The following DTX1 variants were observed in gnomAD, a reference collection of about 807,000 sequenced individuals.
The protein encoded by DTX1 is E3 ubiquitin-protein ligase DTX1.
Under a neutral mutation model 57.8 loss-of-function variants are expected in DTX1, and 26 were observed. That is an observed-to-expected ratio of 0.45 (90% CI 0.33 to 0.62). The LOEUF (loss-of-function observed/expected upper bound fraction) is 0.62. DTX1 is among the 20% of genes least tolerant of loss of function. DTX1 has a pLI of 0.02. For synonymous variants in DTX1, 398 were observed against 394.1 expected, an observed-to-expected ratio of 1.01 and a Z score of -0.12; for missense variants, 704 against 895.3, an observed-to-expected ratio of 0.79 and a Z score of 2.73.
At chr12:113,058,715 A>G (rs958645117) in intron 2 of DTX1, among the ~76,000 whole-genome samples, 4 of 152,322 alleles carry the variant, frequency 2.6e-5, no homozygotes, top group African/African-American at 9.6e-5. Context: ...GGGTAGATCA[A>G]TATCTCTCAC....
chr12:113,089,395 C>T (rs1385123134), intron 3 of DTX1, among the ~76,000 whole-genome samples: 2 of 152,090 alleles, frequency 1.3e-5, no homozygotes, highest in East Asian at 1.9e-4. Context: ...GGCAGTGGGG[C>T]CCATGCCTGC....
At chr12:113,074,404 G>A (rs574335890) in intron 2 of DTX1, among the ~76,000 whole-genome samples, 2 of 152,290 alleles carry the variant, frequency 1.3e-5, no homozygotes, top group South Asian at 4.1e-4. Context: ...CAGGCAGAGG[G>A]AACAGCCAGT....
chr12:113,093,149 C>G lies in DTX1; in HGVS notation c.942-13C>G, dbSNP rs555572608. The G allele has an allele frequency of 1.7e-5, 27 of 1,587,674 alleles. No individual in the cohort carries two copies. The African/African-American group carries it at 2.4e-4, about 14-fold the overall frequency. On this transcript the variant is annotated splice_polypyrimidine_tract_variant and intron_variant, in intron 3 of 9. Transcript: ENST00000548759. The surrounding 1 kb of genome is among the most constrained non-coding windows in gnomAD (Gnocchi z 4.2). Reference sequence around the variant, plus strand: ...CTGGAGTCCAGCTGCGGCCTCTTCTCTTCTCCCCGCAGGGTCCCCGCACTC... The same window carrying G: ...CTGGAGTCCAGCTGCGGCCTCTTCTGTTCTCCCCGCAGGGTCCCCGCACTC...
chr12:113,087,085 C>A (rs1178137896), intron 3 of DTX1, among the ~76,000 whole-genome samples: 1 of 151,724 alleles, frequency 6.6e-6, no homozygotes, highest in African/African-American at 2.4e-5. Flanking sequence ...CCCGTTCCTT[C>A]CCCCGCAGAG....
intron 6 of DTX1, among the ~76,000 whole-genome samples, 188 bp downstream of exon 6, chr12:113,094,287 T>G (rs1950269680): frequency 6.6e-6 from 1 of 152,236 alleles, no homozygotes; most frequent in African/African-American, 2.4e-5. Flanking sequence ...TTTTGATGAT[T>G]GAGTTTTTGT....
chr12:113,063,505 T>G (rs543796466), intron 2 of DTX1, among the ~76,000 whole-genome samples: 1 of 152,360 alleles, frequency 6.6e-6, no homozygotes, highest in African/African-American at 2.4e-5. Context: ...ATCTGCCTGG[T>G]ATCTCCCATG....
At chr12:113,063,621 C>T (rs1217188313) in intron 2 of DTX1, among the ~76,000 whole-genome samples, 1 of 152,246 alleles carries the variant, frequency 6.6e-6, no homozygotes, top group Admixed American at 6.5e-5. Flanking sequence ...CCAAAGATGC[C>T]ATACCCGAGG....
At chr12:113,068,805 G>C (rs938269889) in intron 2 of DTX1, among the ~76,000 whole-genome samples, 2 of 152,242 alleles carry the variant, frequency 1.3e-5, no homozygotes, top group African/African-American at 4.8e-5. Flanking sequence ...GGGACATGGG[G>C]AGGAGGCCCC....
chr12:113,077,648 C>T lies in DTX1; in HGVS notation c.484C>T (p.Gln162Ter). The change falls in exon 3 of 10, where the codon CAG becomes TAG. Residue 162 changes from glutamine to a stop codon, truncating the protein, a stop_gained. Coordinates refer to ENST00000548759, the MANE Select transcript of DTX1 (RefSeq NM_004416.3). LOFTEE classifies it high-confidence loss of function. This position sits in a 1 kb window ranked among gnomAD's most constrained non-coding sequence, Gnocchi z 7.8. ...CAACAGCATGTCGCAGATGAACCGCCAGACGCGCCGGCGCCGCCGCCTGCG... is the reference window on the plus strand; with the variant it reads ...CAACAGCATGTCGCAGATGAACCGCTAGACGCGCCGGCGCCGCCGCCTGCG... ...YFNSMSQMNR[Q>*]TRRRRRLRRR... 6.2e-7 allele frequency: 1 copy of T among 1,600,270 alleles called. No homozygotes were observed.
At position 113,093,441 on chromosome 12, in the gene DTX1, T is replaced by TGC; in HGVS notation, c.1004-98_1004-97insGC. On this transcript the variant is annotated intron_variant, in intron 4 of 9. Coordinates refer to ENST00000548759, the MANE Select transcript of DTX1 (RefSeq NM_004416.3). The surrounding 1 kb of genome is among the most constrained non-coding windows in gnomAD (Gnocchi z 4.2). ...TGGGTGGGGCCCAAGAGCGCAACCC[T>TGC]CCCACCCACCCGAGGGCCCCGGGAT... 2 of 478,250 alleles carry TGC rather than the reference T, an allele frequency of 4.2e-6. No individual in the cohort carries two copies. The highest frequency in any genetic ancestry group is 6.8e-6 in the Non-Finnish European group (2 of 295,472). The allele number at this position is 478,250 out of a possible 1,614,324, so 29.6% of individuals were successfully genotyped here. A position where few individuals can be genotyped will look rare whatever the true frequency, so the allele number is the denominator to read the frequency against.
chr12:113,062,068 C>T (rs1432536970), intron 2 of DTX1, among the ~76,000 whole-genome samples: 1 of 150,936 alleles, frequency 6.6e-6, no homozygotes, highest in African/African-American at 2.5e-5. Context: ...CACACACACA[C>T]ACTCCAACAT....
chr12:113,094,829 G>A lies in DTX1; in HGVS notation c.1268G>A (p.Gly423Asp). The A allele has an allele frequency of 6.2e-7, 1 of 1,613,866 alleles. No individual in the cohort carries two copies. Among genetic ancestry groups the A allele is most frequent in the Non-Finnish European group, 8.5e-7 (1 of 1,179,998 alleles). ...ICMERLVTAS[G>D]YEGVLRHKGV... is the part of the protein sequence containing the mutation. ...ATGGAGCGACTGGTCACAGCATCAG[G>A]CTACGAGGGCGTGCTTCGGCACAAG... The change falls in exon 7 of 10, where the codon GGC becomes GAC. Residue 423 changes from glycine to aspartate, a missense_variant. This residue lies in a region of DTX1 where 299 missense variants were observed against 311.2 expected (regional missense o/e 0.96). Transcript: ENST00000548759.
At chr12:113,065,303 G>A (rs1164086045) in intron 2 of DTX1, among the ~76,000 whole-genome samples, 6 of 152,202 alleles carry the variant, frequency 3.9e-5, no homozygotes, top group African/African-American at 1.2e-4. Context: ...AAGCTCAGAG[G>A]GTGGGGAGCC....
At chr12:113,062,032 TACACACACACACACACAC>T (rs35422556) in intron 2 of DTX1, among the ~76,000 whole-genome samples, 7 of 142,388 alleles carry the variant, frequency 4.9e-5, no homozygotes, top group Admixed American at 3.5e-4. Flanking sequence ...TTATATTTCA[TACACACACACACACACAC>T]ACACACACAC....
In DTX1 at chr12:113,093,262, C is replaced by A; in HGVS notation, c.1003+39C>A. 1 of 1,553,452 alleles carries A rather than the reference C, an allele frequency of 6.4e-7. No homozygotes were observed. The highest frequency in any genetic ancestry group is 2.4e-5 in the East Asian group (1 of 41,558). ...CAGGGCGGGAAAGAAGGGCGGGGCC[C>A]ACTAGGAGGCAGCTCCGCCTGTCAC... On this transcript the variant is annotated intron_variant, in intron 4 of 9. Transcript: ENST00000548759. The surrounding 1 kb of genome is among the most constrained non-coding windows in gnomAD (Gnocchi z 4.2).
At chr12:113,066,460 G>A (rs753240718) in intron 2 of DTX1, among the ~76,000 whole-genome samples, 3 of 151,936 alleles carry the variant, frequency 2.0e-5, no homozygotes, top group Non-Finnish European at 2.9e-5. Flanking sequence ...CCCGGGAGGT[G>A]GAGGTAGCAG....
intron 9 of DTX1, chr12:113,095,677 G>A (rs75237485): frequency 0.011 from 5,185 of 471,002 alleles, 36 homozygotes; most frequent in Middle Eastern, 0.019. Context: ...TGTGGTCACA[G>A]AGAAACTAAG....
At chr12:113,062,598 G>A (rs918081037) in intron 2 of DTX1, among the ~76,000 whole-genome samples, 39 of 152,314 alleles carry the variant, frequency 2.6e-4, no homozygotes, top group African/African-American at 8.9e-4. Context: ...CCGTGCTGGT[G>A]CCACAGGACA....
chr12:113,068,830 C>A (rs1449961733), intron 2 of DTX1, among the ~76,000 whole-genome samples: 1 of 152,340 alleles, frequency 6.6e-6, no homozygotes, highest in African/African-American at 2.4e-5. Context: ...ACAGTCCAGG[C>A]TAGCACTCTG....
Sources: gnomAD v4.1 joint callset for allele counts (sites outside exome capture counted in the v4.1 genomes callset) on GRCh38, gnomAD v4.1.1 for gene constraint, gnomAD v4.1.1 regional missense constraint, Gnocchi (gnomAD v3.1) non-coding constraint, MANE v1.5 for transcripts, NCBI Gene and HGNC (gene_info 2026-07-23, HGNC 2026-07-21) for gene names.